Variants in ZNF627 observed in about 807,000 individuals in gnomAD.
ZNF627 encodes zinc finger protein 627.
Under a neutral mutation model 10.6 loss-of-function variants are expected in ZNF627, and 12 were observed. That is an observed-to-expected ratio of 1.13 (90% confidence interval 0.73 to 1.84). The LOEUF (loss-of-function observed/expected upper bound fraction) is 1.84, where lower values mean the gene tolerates loss of function less well. Among genes scored for constraint, ZNF627 ranks in the 40% most tolerant of loss-of-function variants. ZNF627 has a pLI of 0.00. For missense variants in ZNF627, 504 were observed against 568.4 expected (o/e 0.89, Z 1.15); for synonymous variants, 176 against 187.1 (o/e 0.94, Z 0.48).
At chr19:11,600,135 T>C (rs960993073) in intron 1 of ZNF627, among the ~76,000 whole-genome samples, 9 of 152,130 alleles carry the variant, frequency 5.9e-5, no homozygotes, top group African/African-American at 1.7e-4. Flanking sequence ...TCTAGTCTTA[T>C]GTTTGTTAAA....
Position 11,617,901 on chromosome 19 carries a change from G to A in ZNF627, c.*12G>A. 1 of 1,509,022 alleles carries A rather than the reference G, an allele frequency of 6.6e-7. No homozygotes were observed. The highest frequency in any genetic ancestry group is 8.8e-7 in the Non-Finnish European group (1 of 1,138,538). 93.5% of individuals were successfully genotyped at this position (1,509,022 alleles called of 1,614,324 possible). ...CAGTTCTTTCATGAGCATGAAAGGA[G>A]TCACATAGAGAAACCCCATGAAAGT... On this transcript the variant is annotated 3_prime_UTR_variant, in exon 4 of 4. Coordinates refer to ENST00000361113, the MANE Select transcript of ZNF627 (RefSeq NM_145295.4).
Position 11,616,902 on chromosome 19 carries a change from A to T in ZNF627, c.399A>T (p.Glu133Asp). 7 of 1,614,164 alleles carry T rather than the reference A, an allele frequency of 4.3e-6. No homozygotes were observed. Among genetic ancestry groups the T allele is most frequent in the Non-Finnish European group, 5.9e-6 (7 of 1,180,020 alleles). ...GACGTGAACCAAATGAATATCAGGA[A>T]TATGGAAAGAAGTCATATACACGTA... ...HTGREPNEYQ[E>D]YGKKSYTRNQ... is the part of the protein sequence containing the mutation. Residue 133 changes from glutamate (E) to aspartate (D), a missense_variant, in exon 4 of 4, where the codon GAA becomes GAT. Coordinates refer to ENST00000361113, the MANE Select transcript of ZNF627 (RefSeq NM_145295.4).
In ZNF627 at chr19:11,617,050, C is replaced by T. The variant is rs749978483; in HGVS notation, c.547C>T (p.Arg183Ter). The change falls in exon 4 of 4, where the codon CGA becomes TGA. Residue 183 changes from arginine to a stop codon, truncating the protein, a stop_gained. Transcript: ENST00000361113. LOFTEE classifies it low-confidence loss of function (END_TRUNC). ...AACCTTTATTTCTCTTGTAAGCATT[C>T]GAAGACACATGTTAACGCATAGGGG... is the stretch of plus-strand genomic sequence containing the variant. ...GETFISLVSI[R>*]RHMLTHRGGV... 20 of 1,613,868 alleles carry T rather than the reference C, an allele frequency of 1.2e-5. No individual in the cohort carries two copies. The highest frequency in any genetic ancestry group is 1.1e-4 in the South Asian group (10 of 91,072).
chr19:11,607,840 G>A lies in ZNF627; in HGVS notation c.4-6687G>A, dbSNP rs374105329. On this transcript the variant is annotated intron_variant, in intron 1 of 3. Coordinates refer to ENST00000361113, the MANE Select transcript of ZNF627 (RefSeq NM_145295.4). Reference sequence around the variant, plus strand: ...TTCCCACATTCTCCTGTCTTCTTCCGAGTCCTCCAAACTGTTCCAACCCTT... The same window carrying A: ...TTCCCACATTCTCCTGTCTTCTTCCAAGTCCTCCAAACTGTTCCAACCCTT... Among the ~76,000 whole-genome samples the A allele has an allele frequency of 1.3e-3, 204 of 152,124 alleles. 2 individuals carry two copies. The highest frequency in any genetic ancestry group is 4.7e-3 in the African/African-American group (197 of 41,476).
Position 11,618,184 on chromosome 19 carries a change from G to A in ZNF627, c.*295G>A, listed in dbSNP as rs1003366203. ...CAGTAACCTATCTTACATGAGATTC[G>A]GAAGTAAGTTAAGAAGGCATTAGTC... On this transcript the variant is annotated 3_prime_UTR_variant, in exon 4 of 4. Coordinates refer to ENST00000361113, the MANE Select transcript of ZNF627 (RefSeq NM_145295.4). 9.4e-5 allele frequency: 30 copies of A among 320,428 alleles called. 1 individual carries two copies. In the Admixed American group the frequency reaches 1.0e-3, roughly 11 times the overall value. 19.8% of individuals were successfully genotyped at this position (320,428 alleles called of 1,614,324 possible). A position where few individuals can be genotyped will look rare whatever the true frequency, so the allele number is the denominator to read the frequency against.
chr19:11,605,334 C>T (rs1046941223), intron 1 of ZNF627, among the ~76,000 whole-genome samples: 5 of 151,634 alleles, frequency 3.3e-5, no homozygotes, highest in Non-Finnish European at 7.4e-5. Flanking sequence ...AGCCACCGTG[C>T]CCAGCCTCTT....
chr19:11,601,344 TA>T (rs1238174341), intron 1 of ZNF627, among the ~76,000 whole-genome samples: 3 of 152,262 alleles, frequency 2.0e-5, no homozygotes, highest in South Asian at 2.1e-4. Flanking sequence ...TTTATTTATT[TA>T]TTTTTTTTGT....
At chr19:11,612,341 C>T (rs916075367) in intron 1 of ZNF627, among the ~76,000 whole-genome samples, 5 of 149,116 alleles carry the variant, frequency 3.4e-5, no homozygotes, top group African/African-American at 1.2e-4. Context: ...AGGATGGTCT[C>T]GATCTCCTGA....
intron 1 of ZNF627, among the ~76,000 whole-genome samples, chr19:11,609,837 C>A (rs1049985252): frequency 3.9e-5 from 6 of 151,930 alleles, no homozygotes; most frequent in African/African-American, 1.4e-4. Context: ...GATATTATTG[C>A]ATGCATCCTT....
chr19:11,605,612 T>C (rs1973661077), intron 1 of ZNF627, among the ~76,000 whole-genome samples: 1 of 152,094 alleles, frequency 6.6e-6, no homozygotes, highest in South Asian at 2.1e-4. Flanking sequence ...CTCACTATTA[T>C]GAGAACAACA....
intron 1 of ZNF627, among the ~76,000 whole-genome samples, chr19:11,609,039 A>G (rs1028818524): frequency 1.1e-4 from 16 of 151,760 alleles, no homozygotes; most frequent in Admixed American, 9.9e-4. Context: ...CTCAGCTAAT[A>G]TTTGTATTTT....
Position 11,616,840 on chromosome 19 carries a change from C to G in ZNF627, c.337C>G (p.Pro113Ala). 1 of 1,613,952 alleles carries G rather than the reference C, an allele frequency of 6.2e-7. No individual in the cohort carries two copies. Among genetic ancestry groups the G allele is most frequent in the Non-Finnish European group, 8.5e-7 (1 of 1,179,980 alleles). ...TGTGTGTGGAGAAGTTGGCATGGGTCCTTCATCACTTAATAGGCACATCAG... is the reference window on the plus strand; with the variant it reads ...TGTGTGTGGAGAAGTTGGCATGGGTGCTTCATCACTTAATAGGCACATCAG... ...SSVCGEVGMG[P>A]SSLNRHIRDH... Residue 113 changes from proline to alanine, a missense_variant, in exon 4 of 4, where the codon CCT (proline) becomes GCT (alanine). Coordinates refer to ENST00000361113, the MANE Select transcript of ZNF627 (RefSeq NM_145295.4).
At chr19:11,606,536 C>A (rs1443829399) in intron 1 of ZNF627, among the ~76,000 whole-genome samples, 1 of 152,130 alleles carries the variant, frequency 6.6e-6, no homozygotes, top group Non-Finnish European at 1.5e-5. Flanking sequence ...TGCAAACTGT[C>A]AGTGGATTGA....
chr19:11,611,288 C>G (rs1212709785), intron 1 of ZNF627, among the ~76,000 whole-genome samples: 1 of 151,862 alleles, frequency 6.6e-6, no homozygotes, highest in Non-Finnish European at 1.5e-5. Context: ...TTTACAATTC[C>G]CTGGTTGCCT....
intron 1 of ZNF627, among the ~76,000 whole-genome samples, chr19:11,613,659 T>C (rs996387108): frequency 6.6e-6 from 1 of 150,814 alleles, no homozygotes; most frequent in Non-Finnish European, 1.5e-5. Context: ...CCCAGCCAGA[T>C]TTTTACACTT....
At chr19:11,610,047 ATTTTTTTTTT>A (rs71166614) in intron 1 of ZNF627, among the ~76,000 whole-genome samples, 1 of 114,844 alleles carries the variant, frequency 8.7e-6, no homozygotes, top group Admixed American at 9.5e-5. Context: ...TGGGATTTGA[ATTTTTTTTTT>A]TTTTTTTTTT....
At position 11,603,656 on chromosome 19, in the gene ZNF627, C is replaced by T. The variant is rs188566511; in HGVS notation, c.3+6026C>T. ...TATATTGTATGCCATCTGTCTATTT[C>T]ACATAGCTGTGAATCTTCCATGAAA... On this transcript the variant is annotated intron_variant, in intron 1 of 3. Coordinates refer to ENST00000361113, the MANE Select transcript of ZNF627 (RefSeq NM_145295.4). 2.5e-3 allele frequency among the ~76,000 whole-genome samples: 378 copies of T among 152,004 alleles called. 1 individual carries two copies. The highest frequency in any genetic ancestry group is 4.2e-3 in the Non-Finnish European group (288 of 67,960).
chr19:11,615,313 T>C (rs1973848093), intron 3 of ZNF627, among the ~76,000 whole-genome samples: 1 of 150,146 alleles, frequency 6.7e-6, no homozygotes, highest in African/African-American at 2.4e-5. Flanking sequence ...TAGAAAATCT[T>C]CTCCAAGCCA....
At chr19:11,608,130 G>A (rs939424397) in intron 1 of ZNF627, among the ~76,000 whole-genome samples, 4 of 152,184 alleles carry the variant, frequency 2.6e-5, no homozygotes, top group African/African-American at 9.6e-5. Context: ...AGTGCAGAGC[G>A]AAGAGTGGCA....
Sources: gnomAD v4.1 joint callset for allele counts (sites outside exome capture counted in the v4.1 genomes callset) on GRCh38, gnomAD v4.1.1 for gene constraint, MANE v1.5 for transcripts, NCBI Gene and HGNC (gene_info 2026-07-23, HGNC 2026-07-21) for gene names.